Variants in KDM6A observed in about 807,000 individuals in gnomAD.
KDM6A encodes the protein lysine demethylase 6A.
Under a neutral mutation model 117.6 loss-of-function variants are expected in KDM6A, and 11 were observed. That is an observed-to-expected ratio of 0.09 (90% CI 0.06 to 0.15). The LOEUF (loss-of-function observed/expected upper bound fraction) is 0.15, where lower values mean the gene tolerates loss of function less well. Ranked by LOEUF, KDM6A falls within the 10% of genes least tolerant of loss-of-function variation. KDM6A has a pLI of 1.00. For synonymous variants in KDM6A, 384 were observed against 396.1 expected, an observed-to-expected ratio of 0.97 and a Z score of 0.36; for missense variants, 799 against 1,077.3, an observed-to-expected ratio of 0.74 and a Z score of 3.62.
intron 3 of KDM6A, among the ~76,000 whole-genome samples, chrX:44,965,870 G>A (rs985395385): frequency 8.9e-6 from 1 of 112,145 alleles, no homozygotes; most frequent in Admixed American, 9.5e-5. Flanking sequence ...GCAAATATCT[G>A]TGAAGCACAA....
At position 44,922,027 on chromosome X, in the gene KDM6A, CCTTTTTTTTT is replaced by C. The variant is rs1200975194; in HGVS notation, c.226-39256_226-39247del. Among the ~76,000 whole-genome samples, 114 of 37,711 alleles carry C rather than the reference CCTTTTTTTTT, an allele frequency of 3.0e-3. 19 individuals are homozygous for C. Among genetic ancestry groups the C allele is most frequent in the African/African-American group, 0.01 (79 of 7,525 alleles). The allele number at this position is 37,711 out of a possible 115,157, so 32.7% of individuals were successfully genotyped here. On this transcript the variant is annotated intron_variant, in intron 2 of 29. Coordinates refer to ENST00000611820, the MANE Select transcript of KDM6A (RefSeq NM_001291415.2). ...ATGCTGATAAAATTCATTGTGTGTG[CCTTTTTTTTT>C]TTTTTTTTTTTTTTTTTTTTTTTTT...
intron 5 of KDM6A, among the ~76,000 whole-genome samples, chrX:45,013,595 A>G (rs938706815): frequency 8.9e-6 from 1 of 112,090 alleles, no homozygotes; most frequent in Admixed American, 9.5e-5. Context: ...ACTGAATGAT[A>G]TAAGGACAAT....
intron 8 of KDM6A, among the ~76,000 whole-genome samples, chrX:45,045,350 G>A (rs901631113): frequency 1.8e-5 from 2 of 110,539 alleles, no homozygotes; most frequent in Non-Finnish European, 3.8e-5. Context: ...CACTTTGTGA[G>A]GCTGAGGGAT....
chrX:45,001,271 A>AT (rs1215435791), intron 4 of KDM6A, among the ~76,000 whole-genome samples: 1 of 111,973 alleles, frequency 8.9e-6, no homozygotes, highest in African/African-American at 3.3e-5. Context: ...GTTTGAGATA[A>AT]TAACCTGTAT....
chrX:44,993,353 A>C (rs1487148847), intron 4 of KDM6A, among the ~76,000 whole-genome samples: 1 of 111,839 alleles, frequency 8.9e-6, no homozygotes, highest in African/African-American at 3.3e-5. Flanking sequence ...CTTTACCATT[A>C]AAAATAACTG....
chrX:44,917,313 C>T (rs771852378), intron 2 of KDM6A, among the ~76,000 whole-genome samples: 1 of 111,320 alleles, frequency 9.0e-6, no homozygotes, highest in Admixed American at 9.6e-5. Context: ...AAGGGTGAGC[C>T]ACGGAGCCCA....
chrX:44,981,057 C>G (rs906813844), intron 4 of KDM6A, among the ~76,000 whole-genome samples: 1 of 111,478 alleles, frequency 9.0e-6, no homozygotes, highest in African/African-American at 3.3e-5. Flanking sequence ...TATACTCTCA[C>G]AACACAGAAC....
intron 24 of KDM6A, among the ~76,000 whole-genome samples, chrX:45,085,052 A>G (rs1345807210): frequency 8.9e-6 from 1 of 111,816 alleles, no homozygotes; most frequent in Non-Finnish European, 1.9e-5. Context: ...TAGAAGCCCA[A>G]TTCTGTGATA....
chrX:44,889,975 A>G (rs994741259), intron 2 of KDM6A, among the ~76,000 whole-genome samples: 3 of 112,357 alleles, frequency 2.7e-5, no homozygotes, highest in African/African-American at 9.7e-5. Flanking sequence ...CAGTATTACA[A>G]CCAGGATGCT....
In KDM6A at chrX:45,069,837, C is replaced by T. The variant is rs2148042231; in HGVS notation, c.2338C>T (p.Pro780Ser). 1 of 1,211,454 alleles carries T rather than the reference C, an allele frequency of 8.3e-7. No individual in the cohort carries two copies. Among genetic ancestry groups the T allele is most frequent in the South Asian group, 1.8e-5 (1 of 56,977 alleles). ...GCCTTCAGGAAACATATTGACGGTG[C>T]CTGAAACAAGCAGGCACACTGGAGA... ...SKPSGNILTV[P>S]ETSRHTGETP... Residue 780 changes from proline (P) to serine (S), a missense_variant, in exon 18 of 30, where the codon CCT becomes TCT. By Grantham distance (74) the Pro-to-Ser change is moderately conservative. Coordinates refer to ENST00000611820, the MANE Select transcript of KDM6A (RefSeq NM_001291415.2).
intron 4 of KDM6A, among the ~76,000 whole-genome samples, chrX:44,988,200 C>T (rs185201425): frequency 1.8e-5 from 2 of 112,016 alleles, no homozygotes; most frequent in South Asian, 3.7e-4. Flanking sequence ...TTGATCAAAT[C>T]GGCTACTGAG....
intron 4 of KDM6A, among the ~76,000 whole-genome samples, chrX:44,987,548 G>C (rs1229207773): frequency 8.9e-6 from 1 of 111,851 alleles, no homozygotes; most frequent in African/African-American, 3.3e-5. Context: ...GCTGGTACTG[G>C]TTGTTCCTTT....
intron 2 of KDM6A, among the ~76,000 whole-genome samples, chrX:44,923,538 C>T (rs868026193): frequency 1.2e-4 from 4 of 32,191 alleles, no homozygotes; most frequent in Admixed American, 5.5e-4. Flanking sequence ...ATCTTCTCTG[C>T]TTTTTTTTTT....
chrX:44,939,915 C>T (rs2037193933), intron 2 of KDM6A, among the ~76,000 whole-genome samples: 2 of 112,369 alleles, frequency 1.8e-5, no homozygotes, highest in Admixed American at 1.9e-4. Context: ...GTGTAATAGA[C>T]TATTGAATAT....
chrX:44,957,229 G>A (rs1191192500), intron 2 of KDM6A, among the ~76,000 whole-genome samples: 1 of 111,271 alleles, frequency 9.0e-6, no homozygotes, highest in Non-Finnish European at 1.9e-5. Context: ...AAAACCATTG[G>A]GGTATTAAAA....
chrX:45,036,898 A>G (rs2042838714), intron 7 of KDM6A, among the ~76,000 whole-genome samples: 1 of 113,077 alleles, frequency 8.8e-6, no homozygotes, highest in African/African-American at 3.2e-5. Context: ...ATGTCTGCAT[A>G]GGTAGGATGA....
chrX:44,982,488 A>G (rs960783358), intron 4 of KDM6A, among the ~76,000 whole-genome samples: 2 of 111,936 alleles, frequency 1.8e-5, no homozygotes, highest in Non-Finnish European at 3.8e-5. Flanking sequence ...AGAATATCAC[A>G]TAGTATTAGG....
At chrX:45,103,653 T>C (rs1464635844) in intron 27 of KDM6A, among the ~76,000 whole-genome samples, 2 of 112,418 alleles carry the variant, frequency 1.8e-5, no homozygotes, top group Non-Finnish European at 3.7e-5. Flanking sequence ...TGTGAAGTTG[T>C]TCTCTAAAAT....
At chrX:44,956,107 G>C (rs780596822) in intron 2 of KDM6A, among the ~76,000 whole-genome samples, 1 of 107,498 alleles carries the variant, frequency 9.3e-6, no homozygotes, top group East Asian at 2.8e-4. Flanking sequence ...CTAAGTGACT[G>C]CTTTTTAAAT....
Sources: allele counts gnomAD v4.1 joint callset (sites outside exome capture counted in the v4.1 genomes callset), GRCh38; gene constraint gnomAD v4.1.1; transcripts MANE v1.5; gene names NCBI Gene and HGNC (gene_info 2026-07-23, HGNC 2026-07-21).